DZIP1: variants seen among roughly 807,000 people sequenced by gnomAD.
DZIP1 encodes the protein cilium assembly protein DZIP1.
DZIP1 carries 97 observed loss-of-function variants against 107.6 expected under a neutral mutation model. The ratio of observed to expected loss-of-function variants is 0.90; its 90% CI spans 0.77 to 1.07. DZIP1 has a LOEUF of 1.07. DZIP1 is among the 50% of genes least tolerant of loss of function. DZIP1 has a pLI of 0.00. For synonymous variants in DZIP1, 390 were observed against 386.4 expected (o/e 1.01, Z -0.11); for missense variants, 1,035 against 1,063.6 (o/e 0.97, Z 0.37).
chr13:95,594,270 C>G (rs1484035831), intron 15 of DZIP1, among the ~76,000 whole-genome samples, 184 bp from the exon 16 acceptor site: 1 of 152,164 alleles, frequency 6.6e-6, no homozygotes, highest in Non-Finnish European at 1.5e-5. Context: ...GCTTTTAAAA[C>G]TATTTTATGT....
intron 14 of DZIP1, among the ~76,000 whole-genome samples, chr13:95,601,487 T>C (rs897428268): frequency 6.6e-6 from 1 of 152,188 alleles, no homozygotes; most frequent in African/African-American, 2.4e-5. Context: ...CTTGGTCCTC[T>C]AACTAGCCCT....
At chr13:95,620,163 C>T (rs532083841) in intron 9 of DZIP1, among the ~76,000 whole-genome samples, 1 of 152,236 alleles carries the variant, frequency 6.6e-6, no homozygotes, top group South Asian at 2.1e-4. Flanking sequence ...TGGACTTCCC[C>T]CTTGCTGTTC....
intron 10 of DZIP1, among the ~76,000 whole-genome samples, chr13:95,613,507 G>A (rs540953025): frequency 3.0e-4 from 39 of 128,004 alleles, no homozygotes; most frequent in Middle Eastern, 7.9e-3. Flanking sequence ...GCGAGATTCC[G>A]TCTCAAAAAA....
chr13:95,604,326 C>A (rs921201466), intron 14 of DZIP1, among the ~76,000 whole-genome samples: 1 of 152,212 alleles, frequency 6.6e-6, no homozygotes, highest in Non-Finnish European at 1.5e-5. Context: ...CCATGACTAA[C>A]CTGCCCTGCC....
intron 22 of DZIP1, among the ~76,000 whole-genome samples, chr13:95,582,864 GTT>G (rs1188488259): frequency 1.3e-5 from 2 of 152,202 alleles, no homozygotes; most frequent in Middle Eastern, 3.2e-3. Context: ...GGTTTATGAT[GTT>G]GGAGGAAAGA....
chr13:95,591,980 G>T (rs2044322640), intron 16 of DZIP1, among the ~76,000 whole-genome samples: 1 of 152,108 alleles, frequency 6.6e-6, no homozygotes, highest in Non-Finnish European at 1.5e-5. Context: ...AATTAGTATG[G>T]TATGGGAAAA....
chr13:95,588,033 C>T (rs1244538777), intron 19 of DZIP1: 1 of 229,224 alleles, frequency 4.4e-6, no homozygotes, highest in South Asian at 1.6e-4. Flanking sequence ...TTTTCACACA[C>T]CTAAGAAAAA....
rs1477358682 is a variant in DZIP1, at chr13:95,633,250, T to A, written c.669A>T (p.Glu223Asp). ...ATTACTCACCAAAATGAGAATTTTC[T>A]TCAGTGTGGCGGCGTTGAATGTGAC... The part of the protein sequence containing the change: ...LQSHIQRRHT[E>D]ENSHFEYQKN... Residue 223 changes from glutamate (E) to aspartate (D), a missense_variant, in exon 6 of 23, where the codon GAA becomes GAT. By Grantham distance (45) the Glu-to-Asp change is conservative. Transcript: ENST00000376829. 7 of 1,614,158 alleles carry A rather than the reference T, an allele frequency of 4.3e-6. No individual in the cohort carries two copies. Among genetic ancestry groups the A allele is most frequent in the Non-Finnish European group, 5.9e-6 (7 of 1,179,998 alleles).
chr13:95,641,836 T>C lies in DZIP1; in HGVS notation c.56A>G (p.Tyr19Cys). ...FSSMPFQKHV[Y>C]YPLASGPEGP... ...CTCTGGGCCGCTGGCGAGCGGGTAG[T>C]AGACATGCTTCTGGAAGGGCTGCGG... The change falls in exon 5 of 23, where the codon TAC (tyrosine) becomes TGC (cysteine). Residue 19 changes from tyrosine (Y) to cysteine (C), a missense_variant. Tyr to Cys is a radical substitution (Grantham distance 194). Coordinates refer to ENST00000376829, the MANE Select transcript of DZIP1 (RefSeq NM_198968.4). This position sits in a 1 kb window ranked among gnomAD's most constrained non-coding sequence, Gnocchi z 4.3. The C allele has an allele frequency of 6.9e-7, 1 of 1,452,898 alleles. No individual in the cohort carries two copies. The highest frequency in any genetic ancestry group is 9.0e-7 in the Non-Finnish European group (1 of 1,111,964). 90.0% of individuals were successfully genotyped at this position (1,452,898 alleles called of 1,614,324 possible).
At chr13:95,600,694 C>T (rs1252450979) in intron 14 of DZIP1, among the ~76,000 whole-genome samples, 1 of 151,982 alleles carries the variant, frequency 6.6e-6, no homozygotes, top group African/African-American at 2.4e-5. Flanking sequence ...TAGCCAGCAA[C>T]CTAGTCAATG....
chr13:95,610,927 T>C (rs978543849), intron 12 of DZIP1, among the ~76,000 whole-genome samples: 2 of 152,210 alleles, frequency 1.3e-5, no homozygotes, highest in African/African-American at 4.8e-5. Context: ...GTCAGCACCA[T>C]GCTCTCGGAT....
chr13:95,641,935 C>T lies in DZIP1; in HGVS notation c.36+59G>A. 1.3e-6 allele frequency: 2 copies of T among 1,509,884 alleles called. No homozygotes were observed. The highest frequency in any genetic ancestry group is 1.3e-5 in the South Asian group (1 of 76,466). 93.5% of individuals were successfully genotyped at this position (1,509,884 alleles called of 1,614,324 possible). A position where few individuals can be genotyped will look rare whatever the true frequency, so the allele number is the denominator to read the frequency against. ...CTGGGGAGCTGGGGGTCCGGGGAAG[C>T]CCCGGTTCTCCCCAGCCCGGCATCC... On this transcript the variant is annotated intron_variant, in intron 4 of 22. Transcript: ENST00000376829. The surrounding 1 kb of genome is among the most constrained non-coding windows in gnomAD (Gnocchi z 4.3).
chr13:95,592,750 C>G (rs2044346490), intron 16 of DZIP1, among the ~76,000 whole-genome samples: 1 of 152,180 alleles, frequency 6.6e-6, no homozygotes, highest in South Asian at 2.1e-4. Context: ...AAGAGATAAA[C>G]TGTAGTATAT....
At chr13:95,593,783 G>A (rs2044372620) in intron 16 of DZIP1, among the ~76,000 whole-genome samples, 161 bp downstream of exon 16, 1 of 152,216 alleles carries the variant, frequency 6.6e-6, no homozygotes, top group Non-Finnish European at 1.5e-5. Context: ...GGCACACAGT[G>A]AATGCTATTC....
chr13:95,622,276 T>A (rs1875960465), intron 9 of DZIP1, 67 bp downstream of exon 9: 1 of 1,598,470 alleles, frequency 6.3e-7, no homozygotes, highest in African/African-American at 1.3e-5. Context: ...CAGATGACAC[T>A]CACTGTAAAT....
chr13:95,610,875 G>A (rs539218575), intron 12 of DZIP1, among the ~76,000 whole-genome samples: 59 of 152,276 alleles, frequency 3.9e-4, no homozygotes, highest in Admixed American at 7.8e-4. Flanking sequence ...TGCATTAGCT[G>A]GCCAGGTGAT....
intron 14 of DZIP1, among the ~76,000 whole-genome samples, chr13:95,600,968 A>C (rs1326960053): frequency 1.3e-5 from 2 of 152,230 alleles, no homozygotes; most frequent in Non-Finnish European, 2.9e-5. Flanking sequence ...TTTAAGGAGG[A>C]TAACTAATTT....
chr13:95,611,541 G>T, intron 11 of DZIP1, 48 bp from the exon 12 acceptor site: 1 of 1,404,100 alleles, frequency 7.1e-7, no homozygotes, highest in South Asian at 1.2e-5. Context: ...ATTAGATAGG[G>T]ACACACACAT....
chr13:95,615,262 G>A (rs1874912641), intron 10 of DZIP1, among the ~76,000 whole-genome samples: 1 of 152,156 alleles, frequency 6.6e-6, no homozygotes, highest in South Asian at 2.1e-4. Context: ...ATTCCAGCCA[G>A]AGGCCACTGA....
Sources: gnomAD v4.1 joint callset for allele counts (sites outside exome capture counted in the v4.1 genomes callset) on GRCh38, gnomAD v4.1.1 for gene constraint, Gnocchi (gnomAD v3.1) non-coding constraint, MANE v1.5 for transcripts, NCBI Gene and HGNC (gene_info 2026-07-23, HGNC 2026-07-21) for gene names.